UBR1: variants seen among roughly 807,000 people sequenced by gnomAD.
The protein encoded by UBR1 is E3 ubiquitin-protein ligase UBR1.
UBR1 carries 102 observed loss-of-function variants against 242.1 expected under a neutral mutation model. The observed-to-expected ratio is 0.42, with a 90% CI of 0.36 to 0.50. The LOEUF (loss-of-function observed/expected upper bound fraction) is 0.50, where lower values mean the gene tolerates loss of function less well. Ranked by LOEUF, UBR1 falls within the 20% of genes least tolerant of loss-of-function variation. The pLI is 0.01. For missense variants in UBR1, 1,772 were observed against 2,101.8 expected (o/e 0.84, Z 3.07); for synonymous variants, 675 against 684.8 (o/e 0.99, Z 0.22).
At chr15:43,016,006 T>C in intron 28 of UBR1, 137 bp from the exon 29 acceptor site, 1 of 736,370 alleles carries the variant, frequency 1.4e-6, no homozygotes, top group Admixed American at 2.7e-5. Context: ...GTTTAATGTT[T>C]CAAAATTAGC....
At chr15:43,097,660 T>C (rs1215159221) in intron 1 of UBR1, among the ~76,000 whole-genome samples, 1 of 152,266 alleles carries the variant, frequency 6.6e-6, no homozygotes, top group Non-Finnish European at 1.5e-5. Context: ...GTTGTGGAGA[T>C]GGTTTCTTTT....
chr15:43,099,165 C>T (rs949283754), intron 1 of UBR1, among the ~76,000 whole-genome samples: 1 of 151,878 alleles, frequency 6.6e-6, no homozygotes, highest in Non-Finnish European at 1.5e-5. Context: ...GGCAAAATCC[C>T]GTCTCTACTA....
At chr15:43,016,591 T>C (rs1257903627) in intron 28 of UBR1, among the ~76,000 whole-genome samples, 2 of 152,194 alleles carry the variant, frequency 1.3e-5, no homozygotes, top group Non-Finnish European at 2.9e-5. Context: ...GGTTTTTTGT[T>C]TTTGGGATGG....
At chr15:43,103,915 G>C (rs1332651297) in intron 1 of UBR1, among the ~76,000 whole-genome samples, 1 of 151,940 alleles carries the variant, frequency 6.6e-6, no homozygotes, top group East Asian at 1.9e-4. Flanking sequence ...AACAGTAATA[G>C]CTTTTAAAAG....
chr15:43,093,280 G>A (rs2034124348), intron 1 of UBR1, among the ~76,000 whole-genome samples: 1 of 152,158 alleles, frequency 6.6e-6, no homozygotes, highest in Non-Finnish European at 1.5e-5. Context: ...ACCACAATTT[G>A]ACCTTCCTTA....
intron 32 of UBR1, among the ~76,000 whole-genome samples, chr15:43,001,738 A>T (rs1014844363): frequency 3.0e-4 from 46 of 152,326 alleles, no homozygotes; most frequent in African/African-American, 1.1e-3. Flanking sequence ...AAATTTAAAA[A>T]CTCAAAATGC....
intron 40 of UBR1, among the ~76,000 whole-genome samples, chr15:42,967,359 G>A (rs2032124410): frequency 6.7e-6 from 1 of 150,206 alleles, no homozygotes; most frequent in East Asian, 1.9e-4. Flanking sequence ...CACCGTGACT[G>A]GCCTAAAATA....
At chr15:43,041,453 G>T (rs941214159) in intron 15 of UBR1, among the ~76,000 whole-genome samples, 2 of 152,076 alleles carry the variant, frequency 1.3e-5, no homozygotes, top group Non-Finnish European at 2.9e-5. Context: ...TGGGGTTGGG[G>T]GAGGGGCCCC....
At chr15:43,050,680 T>A (rs7182650) in intron 12 of UBR1, among the ~76,000 whole-genome samples, 36,327 of 147,730 alleles carry the variant, frequency 0.25, 5,280 homozygotes, top group African/African-American at 0.41. Flanking sequence ...GCCAAGATAG[T>A]GCTACTGCAT....
At chr15:43,044,019 A>G (rs2033452946) in intron 14 of UBR1, among the ~76,000 whole-genome samples, 1 of 152,220 alleles carries the variant, frequency 6.6e-6, no homozygotes, top group South Asian at 2.1e-4. Flanking sequence ...TAATTTAAGT[A>G]TGGGGAAAGA....
intron 1 of UBR1, among the ~76,000 whole-genome samples, chr15:43,104,253 C>T (rs191907540): frequency 1.3e-3 from 195 of 152,208 alleles, no homozygotes; most frequent in South Asian, 4.4e-3. Context: ...AAATTAGTGA[C>T]GTCCAGAATG....
chr15:42,993,648 G>A (rs1162116566), intron 33 of UBR1, among the ~76,000 whole-genome samples: 13 of 152,140 alleles, frequency 8.5e-5, no homozygotes, highest in Middle Eastern at 3.4e-3. Context: ...GATTACAAGC[G>A]TGAGCCACTG....
chr15:43,026,477 T>C (rs2033179302), intron 23 of UBR1, 84 bp downstream of exon 23: 1 of 1,160,898 alleles, frequency 8.6e-7, no homozygotes, highest in African/African-American at 1.5e-5. Flanking sequence ...AGCGTGAAAC[T>C]ATAGAAAAAG....
chr15:43,076,474 G>A (rs1164861278), intron 3 of UBR1, among the ~76,000 whole-genome samples: 1 of 150,708 alleles, frequency 6.6e-6, no homozygotes, highest in Non-Finnish European at 1.5e-5. Context: ...CCTCTTCCCC[G>A]CCGCCATCCC....
intron 27 of UBR1, among the ~76,000 whole-genome samples, chr15:43,020,292 T>C (rs200663552): frequency 1.3e-5 from 2 of 150,070 alleles, no homozygotes; most frequent in Admixed American, 6.6e-5. Flanking sequence ...CTGCCTGCCT[T>C]GGCCTCCCAA....
At chr15:43,050,617 G>A (rs1414352298) in intron 12 of UBR1, among the ~76,000 whole-genome samples, 4 of 151,800 alleles carry the variant, frequency 2.6e-5, no homozygotes, top group African/African-American at 4.8e-5. Context: ...CCAGCTATTC[G>A]GGAGGCTGAG....
intron 30 of UBR1, among the ~76,000 whole-genome samples, chr15:43,004,303 C>T (rs2032769818): frequency 6.6e-6 from 1 of 151,918 alleles, no homozygotes; most frequent in Non-Finnish European, 1.5e-5. Flanking sequence ...GAATTATAAC[C>T]TCATTAAGAA....
chr15:42,974,291 T>C (rs2032254537), intron 39 of UBR1, among the ~76,000 whole-genome samples: 1 of 152,216 alleles, frequency 6.6e-6, no homozygotes, highest in Non-Finnish European at 1.5e-5. Context: ...ATTCATTTTA[T>C]TGGACATGGG....
chr15:42,984,066 G>A (rs2032424096), intron 36 of UBR1, 73 bp from the exon 37 acceptor site: 13 of 1,170,634 alleles, frequency 1.1e-5, no homozygotes, highest in Admixed American at 2.0e-5. Flanking sequence ...CTTAAGAGTT[G>A]GTAAAAACCA....
Sources: gnomAD v4.1 joint callset for allele counts (sites outside exome capture counted in the v4.1 genomes callset) on GRCh38, gnomAD v4.1.1 for gene constraint, MANE v1.5 for transcripts, NCBI Gene and HGNC (gene_info 2026-07-23, HGNC 2026-07-21) for gene names.